ENTR1: variants seen among roughly 807,000 people sequenced by gnomAD.
The protein encoded by ENTR1 is endosome associated trafficking regulator 1.
ENTR1 carries 47 observed loss-of-function variants against 47.9 expected under a neutral mutation model. That is an observed-to-expected ratio of 0.98 (90% CI 0.78 to 1.25). The LOEUF (loss-of-function observed/expected upper bound fraction) is 1.25. Ranked by LOEUF, ENTR1 falls within the 50% of genes most tolerant of loss-of-function variation. The probability of loss-of-function intolerance (pLI) is 0.00; values close to 1 mark genes in which losing one functional copy is unlikely to be tolerated. For missense variants in ENTR1, 668 were observed against 570.5 expected, an observed-to-expected ratio of 1.17 and a Z score of -1.74; for synonymous variants, 290 against 245.8, an observed-to-expected ratio of 1.18 and a Z score of -1.68.
intron 3 of ENTR1, 51 bp downstream of exon 3, chr9:136,408,948 T>C: frequency 2.8e-6 from 4 of 1,410,340 alleles, no homozygotes; most frequent in Non-Finnish European, 4.0e-6. Flanking sequence ...GACACGTGCC[T>C]GGCACTGTGT....
Position 136,404,643 on chromosome 9 carries a change from G to C in ENTR1, c.1056C>G (p.Ile352Met). 1 of 1,614,084 alleles carries C rather than the reference G, an allele frequency of 6.2e-7. No homozygotes were observed. Among genetic ancestry groups the C allele is most frequent in the Non-Finnish European group, 8.5e-7 (1 of 1,179,998 alleles). Reference protein sequence around the residue: ...ENHVVKLKQEISLLQAQVSNF... With the variant: ...ENHVVKLKQEMSLLQAQVSNF... ...TTCCTTTAATTACCTGGAGCAAACTGATTTCCTGTTTTAGTTTCACGACGT... is the reference window on the plus strand; with the variant it reads ...TTCCTTTAATTACCTGGAGCAAACTCATTTCCTGTTTTAGTTTCACGACGT... The change falls in exon 8 of 10, where the codon ATC becomes ATG. Residue 352 changes from isoleucine to methionine, a missense_variant. Physicochemically the swap from Ile to Met is conservative, Grantham distance 10. Coordinates refer to ENST00000357365, the MANE Select transcript of ENTR1 (RefSeq NM_001039707.2).
At chr9:136,406,461 ACT>A (rs1208585333) in intron 5 of ENTR1, among the ~76,000 whole-genome samples, 2 of 151,602 alleles carry the variant, frequency 1.3e-5, no homozygotes, top group East Asian at 3.9e-4. Flanking sequence ...AGAGTGAGAC[ACT>A]GTCTCAGGAA....
intron 7 of ENTR1, 80 bp downstream of exon 7, chr9:136,405,011 C>T (rs905612546): frequency 1.9e-5 from 21 of 1,122,782 alleles, no homozygotes; most frequent in Admixed American, 8.7e-5. Context: ...CAGGCTGCAC[C>T]GGCTGCTGAG....
chr9:136,404,073 C>T lies in ENTR1; in HGVS notation c.1190G>A (p.Ser397Asn), dbSNP rs749427244. 23 of 1,611,186 alleles carry T rather than the reference C, an allele frequency of 1.4e-5. No homozygotes were observed. In the South Asian group the frequency reaches 2.5e-4, roughly 18 times the overall value. Residue 397 changes from serine to asparagine, a missense_variant, in exon 9 of 10, where the codon AGT (serine) becomes AAT (asparagine). Physicochemically the swap from Ser to Asn is conservative, Grantham distance 46. Coordinates refer to ENST00000357365, the MANE Select transcript of ENTR1 (RefSeq NM_001039707.2). ...CACTCACTTGATGGAAGCCTGTGCA[C>T]TGTTCATGACCACCCGGAGGTTCTG... is the stretch of plus-strand genomic sequence containing the variant. ...ALQNLRVVMN[S>N]AQASIKQLVS... is the part of the protein sequence containing the mutation.
At chr9:136,408,948 T>G (rs1223174499) in intron 3 of ENTR1, 51 bp downstream of exon 3, 3 of 1,410,218 alleles carry the variant, frequency 2.1e-6, no homozygotes, top group Non-Finnish European at 2.0e-6. Flanking sequence ...GACACGTGCC[T>G]GGCACTGTGT....
At position 136,402,854 on chromosome 9, in the gene ENTR1, A is replaced by G. The variant is rs1037561358; in HGVS notation, c.1242T>C (p.Leu414=). The G allele has an allele frequency of 9.3e-6, 15 of 1,612,788 alleles. No homozygotes were observed. The highest frequency in any genetic ancestry group is 1.1e-5 in the Non-Finnish European group (13 of 1,179,806). The stretch of plus-strand genomic sequence containing the variant: ...CTATAGATTTAAGGATTTCGGCAAC[A>G]AGATTCAGTGTCTCAGCTCCGGAAA... ...QLVSGAETLN[L]VAEILKSIDR... The change falls in exon 10 of 10, where the codon CTT becomes CTC. Residue 414 remains leucine (L), a synonymous_variant. Coordinates refer to ENST00000357365, the MANE Select transcript of ENTR1 (RefSeq NM_001039707.2).
At chr9:136,405,370 G>A (rs1187049058) in intron 6 of ENTR1, 168 bp from the exon 7 acceptor site, 2 of 589,264 alleles carry the variant, frequency 3.4e-6, no homozygotes. Context: ...TAGCCACCAG[G>A]CAGGCGTGCA....
rs137877337 is a variant in ENTR1, at chr9:136,404,155, G to A, written c.1108C>T (p.Arg370Trp). The part of the protein sequence containing the change: ...SNFQRENEAL[R>W]CGQGASLTVV... The stretch of plus-strand genomic sequence containing the variant: ...GTCAGGCTGGCACCCTGGCCGCACC[G>A]CAGGGCTTCATTCTCTCGCTGGAAG... The change falls in exon 9 of 10, where the codon CGG (arginine) becomes TGG (tryptophan). Residue 370 changes from arginine (R) to tryptophan (W), a missense_variant. By Grantham distance (101) the Arg-to-Trp change is moderately radical. Coordinates refer to ENST00000357365, the MANE Select transcript of ENTR1 (RefSeq NM_001039707.2). 379 of 1,612,700 alleles carry A rather than the reference G, an allele frequency of 2.4e-4. 1 individual carries two copies. The East Asian group carries it at 2.4e-3, about 10-fold the overall frequency.
rs746354290 is a variant in ENTR1 at position 136,407,390 on chromosome 9, C to T, written c.574G>A (p.Ala192Thr). The change falls in exon 5 of 10, where the codon GCC becomes ACC. Residue 192 changes from alanine to threonine, a missense_variant. By Grantham distance (58) the Ala-to-Thr change is moderately conservative (BLOSUM62 0). Transcript: ENST00000357365. ...CTCTCGGGGTGAGTCTGCTCGATGG[C>T]GGACGGCAGGTAGGCCCCACTCCAT... ...TGWSGAYLPS[A>T]IEQTHPERVP... 5.9e-5 allele frequency: 95 copies of T among 1,606,280 alleles called. No individual in the cohort carries two copies. The highest frequency in any genetic ancestry group is 2.1e-4 in the Middle Eastern group (1 of 4,764).
chr9:136,405,841 T>TA (rs1834736631), intron 6 of ENTR1, 64 bp downstream of exon 6: 1 of 1,024,528 alleles, frequency 9.8e-7, no homozygotes, highest in Non-Finnish European at 1.5e-6. Flanking sequence ...CATTATCATT[T>TA]AAAAACGGAT....
intron 9 of ENTR1, among the ~76,000 whole-genome samples, chr9:136,403,784 T>G (rs1219153174): frequency 6.6e-6 from 1 of 151,988 alleles, no homozygotes; most frequent in Non-Finnish European, 1.5e-5. Context: ...AGCGCCCACA[T>G]GGGGTGGGGC....
In ENTR1 at chr9:136,410,598, C is replaced by T; in HGVS notation, c.-201G>A. The T allele has an allele frequency of 7.9e-7, 1 of 1,269,796 alleles. No homozygotes were observed. Among genetic ancestry groups the T allele is most frequent in the Non-Finnish European group, 1.0e-6 (1 of 998,292 alleles). 78.7% of individuals were successfully genotyped at this position (1,269,796 alleles called of 1,614,324 possible). On this transcript the variant is annotated 5_prime_UTR_variant, in exon 1 of 10. Coordinates refer to ENST00000357365, the MANE Select transcript of ENTR1 (RefSeq NM_001039707.2). ...AAAGCGCGTGCCTGAACGCCTTGGG[C>T]CGTCGGCGAGGGGGAGGGGAAGCCG...
intron 5 of ENTR1, among the ~76,000 whole-genome samples, 157 bp from the exon 6 acceptor site, chr9:136,406,135 G>A (rs1204761134): frequency 2.0e-5 from 3 of 152,178 alleles, no homozygotes; most frequent in Non-Finnish European, 4.4e-5. Context: ...ACAGACGGAG[G>A]CAGGCACTTT....
At chr9:136,402,924 A>T (rs1334997497) in intron 9 of ENTR1, 37 bp from the exon 10 acceptor site, 1 of 1,404,732 alleles carries the variant, frequency 7.1e-7, no homozygotes, top group Non-Finnish European at 9.7e-7. Flanking sequence ...GGGTGGCAGC[A>T]GCTACTCAGC....
intron 5 of ENTR1, among the ~76,000 whole-genome samples, chr9:136,406,361 C>T (rs918373906): frequency 3.3e-5 from 5 of 151,726 alleles, no homozygotes; most frequent in East Asian, 1.9e-4. Flanking sequence ...CCTAACTACT[C>T]GGGTGGCTGA....
intron 2 of ENTR1, 103 bp downstream of exon 2, chr9:136,409,987 C>T: frequency 7.2e-7 from 1 of 1,398,170 alleles, no homozygotes; most frequent in South Asian, 1.2e-5. Context: ...AGTGAGCGCT[C>T]TGCACATTGA....
rs764442854 is a variant in ENTR1, at chr9:136,407,125, G to A, written c.819+20C>T. The A allele has an allele frequency of 5.9e-5, 93 of 1,567,100 alleles. No individual in the cohort carries two copies. The highest frequency in any genetic ancestry group is 7.4e-5 in the Non-Finnish European group (85 of 1,152,432). On this transcript the variant is annotated intron_variant, in intron 5 of 9. Coordinates refer to ENST00000357365, the MANE Select transcript of ENTR1 (RefSeq NM_001039707.2). ...GCTCGGACAGGCGCTGTGCCAGAGG[G>A]CGCCGTGAGGCTCACTTACTGCGTC...
chr9:136,405,205 T>C lies in ENTR1; in HGVS notation c.894-3A>G, dbSNP rs1279823697. The stretch of plus-strand genomic sequence containing the variant: ...ACTTCCGCTCAAGCGTCCTCACCCT[T>C]GTTAAAGAAAAACCCGAGTTGTTAA... On this transcript the variant is annotated splice_polypyrimidine_tract_variant and splice_region_variant and intron_variant, in intron 6 of 9. Transcript: ENST00000357365. The C allele has an allele frequency of 1.2e-6, 2 of 1,612,172 alleles. No individual in the cohort carries two copies. The highest frequency in any genetic ancestry group is 3.3e-5 in the Admixed American group (2 of 59,992).
rs1175920952 is a variant in ENTR1 at position 136,404,658 on chromosome 9, T to C, written c.1041A>G (p.Lys347=). ...GGAGCAAACTGATTTCCTGTTTTAG[T>C]TTCACGACGTGGTTTTCTGCCTTTA... ...RAVKAENHVV[K]LKQEISLLQA... Residue 347 remains lysine, a synonymous_variant, in exon 8 of 10, where the codon AAA becomes AAG. Transcript: ENST00000357365. 1.2e-6 allele frequency: 2 copies of C among 1,614,014 alleles called. No individual in the cohort carries two copies. The highest frequency in any genetic ancestry group is 2.7e-5 in the African/African-American group (2 of 74,920).
Sources: gnomAD v4.1 joint callset for allele counts (sites outside exome capture counted in the v4.1 genomes callset) on GRCh38, gnomAD v4.1.1 for gene constraint, MANE v1.5 for transcripts, NCBI Gene and HGNC (gene_info 2026-07-23, HGNC 2026-07-21) for gene names.